MTHFD2L: variants seen among roughly 807,000 people sequenced by gnomAD.
MTHFD2L encodes methylenetetrahydrofolate dehydrogenase (NADP+ dependent) 2 like.
In MTHFD2L, 29 loss-of-function variants were observed where a neutral mutation model predicts 34.9. The observed-to-expected ratio is 0.83, with a 90% CI of 0.62 to 1.13. The LOEUF (loss-of-function observed/expected upper bound fraction) is 1.13. Among genes scored for constraint, MTHFD2L ranks in the 50% most tolerant of loss-of-function variants. The probability of loss-of-function intolerance (pLI) is 0.00; values close to 1 mark genes in which losing one functional copy is unlikely to be tolerated. For synonymous variants in MTHFD2L, 167 were observed against 155.7 expected, an observed-to-expected ratio of 1.07 and a Z score of -0.54; for missense variants, 481 against 446.5, an observed-to-expected ratio of 1.08 and a Z score of -0.70.
chr4:74,274,030 C>G (rs1164284045), intron 6 of MTHFD2L, among the ~76,000 whole-genome samples: 1 of 149,570 alleles, frequency 6.7e-6, no homozygotes, highest in Non-Finnish European at 1.5e-5. Context: ...TTTCTTTTTT[C>G]AAGTAGAGAT....
At chr4:74,267,960 G>T in intron 6 of MTHFD2L, 1 of 985,256 alleles carries the variant, frequency 1.0e-6, no homozygotes, top group Admixed American at 6.2e-5. Context: ...GTACCACAAG[G>T]AATAGAAGCT....
Position 74,301,854 on chromosome 4 carries a change from ATTT to A in MTHFD2L, c.*46_*48del. The A allele has an allele frequency of 7.8e-7, 1 of 1,275,256 alleles. No homozygotes were observed. Among genetic ancestry groups the A allele is most frequent in the Non-Finnish European group, 1.1e-6 (1 of 895,850 alleles). 79.0% of individuals were successfully genotyped at this position (1,275,256 alleles called of 1,614,324 possible). A position where few individuals can be genotyped will look rare whatever the true frequency, so the allele number is the denominator to read the frequency against. ...CAAACTGAAGTCATGCTATTTGTTT[ATTT>A]GACAAAGGGTAAAACCTTTATATTT... is the stretch of plus-strand genomic sequence containing the variant. On this transcript the variant is annotated 3_prime_UTR_variant, in exon 8 of 8. Transcript: ENST00000325278.
chr4:74,167,857 T>C (rs532766565), intron 1 of MTHFD2L, among the ~76,000 whole-genome samples: 4 of 152,296 alleles, frequency 2.6e-5, no homozygotes, highest in African/African-American at 9.6e-5. Context: ...GTTAACTTTT[T>C]CCCCCAATTT....
chr4:74,201,361 C>T lies in MTHFD2L; in HGVS notation c.703C>T (p.Arg235Trp), dbSNP rs775868972. The T allele has an allele frequency of 4.3e-6, 7 of 1,612,388 alleles. No homozygotes were observed. Among genetic ancestry groups the T allele is most frequent in the African/African-American group, 1.3e-5 (1 of 74,870 alleles). The change falls in exon 5 of 8, where the codon CGG becomes TGG. Residue 235 changes from arginine (R) to tryptophan (W), a missense_variant. Transcript: ENST00000325278. ...MLLHTDGEHERPGGDATVTIA... is the reference protein window; with the variant it reads ...MLLHTDGEHEWPGGDATVTIA... The stretch of plus-strand genomic sequence containing the variant: ...TTTACACACTGATGGAGAGCATGAA[C>T]GGCCAGGAGGTAGGTAGAACCTTGC...
At chr4:74,229,539 G>A (rs1739689307) in intron 6 of MTHFD2L, among the ~76,000 whole-genome samples, 1 of 152,168 alleles carries the variant, frequency 6.6e-6, no homozygotes, top group Non-Finnish European at 1.5e-5. Context: ...ATGTCTGAGA[G>A]ATGAGAGTGA....
upstream of MTHFD2L, among the ~76,000 whole-genome samples, chr4:74,124,176 A>G (rs1307294058): frequency 1.3e-5 from 2 of 151,950 alleles, no homozygotes; most frequent in African/African-American, 2.4e-5. Flanking sequence ...AAGAGTTTTG[A>G]TGGGCCCTAG....
upstream of MTHFD2L, chr4:74,157,857 G>T: frequency 1.6e-6 from 1 of 617,822 alleles, no homozygotes. Context: ...ATGTTGGCTG[G>T]GTGCGGGGCC....
intron 2 of MTHFD2L, among the ~76,000 whole-genome samples, chr4:74,117,712 G>A (rs983365289): frequency 7.2e-5 from 11 of 152,196 alleles, no homozygotes; most frequent in East Asian, 3.8e-4. Context: ...AGCTGCTTCC[G>A]CAGCAGGCCC....
At chr4:74,175,894 G>A (rs2109963602) in intron 3 of MTHFD2L, among the ~76,000 whole-genome samples, 1 of 152,162 alleles carries the variant, frequency 6.6e-6, no homozygotes, top group East Asian at 1.9e-4. Flanking sequence ...CTCGTCAAAA[G>A]TAGTTGGAGC....
At chr4:74,194,054 A>G (rs999354336) in intron 3 of MTHFD2L, 1 of 152,188 alleles carries the variant, frequency 6.6e-6, no homozygotes, top group Non-Finnish European at 1.5e-5. Flanking sequence ...AAATGCCTGT[A>G]TCAGATTGGG....
chr4:74,296,785 T>A (rs2110326883), intron 7 of MTHFD2L, among the ~76,000 whole-genome samples: 1 of 152,218 alleles, frequency 6.6e-6, no homozygotes, highest in Non-Finnish European at 1.5e-5. Context: ...CACAAGAGAT[T>A]CCACTATGCT....
At chr4:74,164,499 A>G (rs986043292) in intron 1 of MTHFD2L, among the ~76,000 whole-genome samples, 1 of 152,198 alleles carries the variant, frequency 6.6e-6, no homozygotes, top group African/African-American at 2.4e-5. Context: ...AGTGCTGAAG[A>G]CTTTCTGCTC....
chr4:74,255,299 G>T (rs976474824), intron 6 of MTHFD2L, among the ~76,000 whole-genome samples: 1 of 151,970 alleles, frequency 6.6e-6, no homozygotes, highest in Non-Finnish European at 1.5e-5. Context: ...GAATACAGTT[G>T]TAACTGTAAG....
At chr4:74,161,786 G>A (rs1233220988) in intron 1 of MTHFD2L, 4 of 152,152 alleles carry the variant, frequency 2.6e-5, no homozygotes, top group Non-Finnish European at 4.4e-5. Flanking sequence ...TTAGTACCCT[G>A]ATGGGAGGAT....
chr4:74,225,055 T>C (rs16850711), intron 5 of MTHFD2L, among the ~76,000 whole-genome samples: 1,817 of 152,278 alleles, frequency 0.012, 45 homozygotes, highest in African/African-American at 0.041. Context: ...ACTCTACTTA[T>C]AGCTCTCCTG....
In MTHFD2L at chr4:74,225,390, T is replaced by C. The variant is rs1194911456; in HGVS notation, c.801T>C (p.Ala267=). The change falls in exon 6 of 8, where the codon GCT becomes GCC. Residue 267 remains alanine (A), a synonymous_variant. Transcript: ENST00000325278. ...AGCTGGCAGATATTATCATAGTTGC[T>C]GCAGGTAAGTCCTTAGTGACTGTTA... is the stretch of plus-strand genomic sequence containing the variant. ...HTQLADIIIV[A]AGIPKLITSD... 2.5e-6 allele frequency: 4 copies of C among 1,612,044 alleles called. No homozygotes were observed. Among genetic ancestry groups the C allele is most frequent in the Non-Finnish European group, 3.4e-6 (4 of 1,178,534 alleles).
intron 6 of MTHFD2L, among the ~76,000 whole-genome samples, chr4:74,268,771 G>C (rs978023072): frequency 3.9e-5 from 6 of 152,074 alleles, no homozygotes; most frequent in African/African-American, 1.4e-4. Flanking sequence ...AAAATATCCA[G>C]TTGCGGCTGT....
chr4:74,170,582 A>T (rs1727706612), intron 1 of MTHFD2L, among the ~76,000 whole-genome samples: 1 of 152,198 alleles, frequency 6.6e-6, no homozygotes, highest in African/African-American at 2.4e-5. Context: ...AAAGGAAAAA[A>T]TAATAAATTG....
At chr4:74,232,934 C>T (rs948916615) in intron 6 of MTHFD2L, among the ~76,000 whole-genome samples, 2 of 152,100 alleles carry the variant, frequency 1.3e-5, no homozygotes, top group Admixed American at 6.6e-5. Flanking sequence ...CTGAGTTTTA[C>T]TGTTATGAAT....
Sources: gnomAD v4.1 joint callset for allele counts (sites outside exome capture counted in the v4.1 genomes callset) on GRCh38, gnomAD v4.1.1 for gene constraint, MANE v1.5 for transcripts, NCBI Gene and HGNC (gene_info 2026-07-23, HGNC 2026-07-21) for gene names.